Variants in SUGCT observed in about 807,000 individuals in gnomAD.
SUGCT encodes succinyl-CoA:glutarate-CoA transferase.
Under a neutral mutation model 55.0 loss-of-function variants are expected in SUGCT, and 41 were observed. The ratio of observed to expected loss-of-function variants is 0.74; its 90% confidence interval spans 0.58 to 0.97. SUGCT has a LOEUF of 0.97. Ranked by LOEUF, SUGCT falls within the 50% of genes least tolerant of loss-of-function variation. The pLI, the probability that SUGCT is intolerant of heterozygous loss-of-function variation, is 0.00. For synonymous variants in SUGCT, 187 were observed against 200.4 expected (o/e 0.93, Z 0.56); for missense variants, 568 against 547.8 (o/e 1.04, Z -0.37).
intron 5 of SUGCT, among the ~76,000 whole-genome samples, chr7:40,191,644 A>G (rs1018904829): frequency 6.6e-6 from 1 of 152,172 alleles, no homozygotes; most frequent in South Asian, 2.1e-4. Flanking sequence ...AGCAATCCGC[A>G]TGCCTCAGCC....
At chr7:40,471,171 A>T (rs1790384785) in intron 11 of SUGCT, among the ~76,000 whole-genome samples, 1 of 152,080 alleles carries the variant, frequency 6.6e-6, no homozygotes, top group South Asian at 2.1e-4. Flanking sequence ...AGAAATTTGG[A>T]ATTATGAGAA....
the SUGCT span, among the ~76,000 whole-genome samples, chr7:40,868,433 T>A: frequency 1.3e-5 from 2 of 152,212 alleles, no homozygotes; most frequent in South Asian, 4.1e-4. Context: ...TTTCTGTTCC[T>A]GTGTTTGTTG....
At chr7:41,019,526 A>G in the SUGCT span, among the ~76,000 whole-genome samples, 1 of 152,246 alleles carries the variant, frequency 6.6e-6, no homozygotes, top group Non-Finnish European at 1.5e-5. Context: ...AGCTGCCGTC[A>G]TGTTGTTTTT....
intron 8 of SUGCT, among the ~76,000 whole-genome samples, chr7:40,284,566 C>G (rs1314461240): frequency 1.3e-5 from 2 of 148,728 alleles, no homozygotes; most frequent in African/African-American, 5.0e-5. Flanking sequence ...TGAGATTGCA[C>G]CACTGCACTC....
intron 9 of SUGCT, among the ~76,000 whole-genome samples, chr7:40,436,459 G>A (rs1024060083): frequency 6.6e-6 from 1 of 152,002 alleles, no homozygotes; most frequent in African/African-American, 2.4e-5. Context: ...AACATTATTG[G>A]CAATACACTA....
rs562682830 is a variant in SUGCT, at chr7:40,364,435, T to G, written c.816+47580T>G. Among the ~76,000 whole-genome samples, 1,447 of 152,268 alleles carry G rather than the reference T, an allele frequency of 9.5e-3. 34 individuals are homozygous for G. Among genetic ancestry groups the G allele is most frequent in the African/African-American group, 0.033 (1,366 of 41,542 alleles). ...CAATGGTCTTTACATTTTGGCATGA[T>G]TTTGCAGTGGCTGGTACCGGTTGTT... On this transcript the variant is annotated intron_variant, in intron 9 of 13. Coordinates refer to ENST00000335693, the MANE Select transcript of SUGCT (RefSeq NM_001193313.2).
At chr7:40,712,831 T>C (rs1785798296) in intron 12 of SUGCT, among the ~76,000 whole-genome samples, 1 of 152,244 alleles carries the variant, frequency 6.6e-6, no homozygotes. Context: ...GCCATTATTT[T>C]ATTCTTTTGA....
At chr7:40,842,416 A>T (rs1793324109) in intron 13 of SUGCT, among the ~76,000 whole-genome samples, 1 of 152,166 alleles carries the variant, frequency 6.6e-6, no homozygotes. Context: ...TGGTTCATGG[A>T]GTCTTACCTA....
chr7:40,380,131 T>C (rs1196491760), intron 9 of SUGCT, among the ~76,000 whole-genome samples: 1 of 152,196 alleles, frequency 6.6e-6, no homozygotes, highest in African/African-American at 2.4e-5. Flanking sequence ...TCTGTGCTAA[T>C]GGGGATTCCA....
chr7:40,375,751 A>T (rs986575211), intron 9 of SUGCT, among the ~76,000 whole-genome samples: 3 of 152,222 alleles, frequency 2.0e-5, no homozygotes, highest in African/African-American at 7.2e-5. Context: ...ATATAAATAG[A>T]CATATAAATT....
At chr7:40,895,098 A>C in the SUGCT span, among the ~76,000 whole-genome samples, 1 of 152,222 alleles carries the variant, frequency 6.6e-6, no homozygotes, top group Non-Finnish European at 1.5e-5. Flanking sequence ...AAGAAAATGT[A>C]CATATTCATC....
intron 12 of SUGCT, among the ~76,000 whole-genome samples, chr7:40,536,575 G>C (rs1385756871): frequency 1.3e-5 from 2 of 152,222 alleles, no homozygotes; most frequent in African/African-American, 4.8e-5. Context: ...CAGGCAAGTA[G>C]TTAGCTGTGT....
At position 40,184,898 on chromosome 7, in the gene SUGCT, T is replaced by C. The variant is rs540925696; in HGVS notation, c.226+2870T>C. The stretch of plus-strand genomic sequence containing the variant: ...AAAAAATTTTAAATTTTATTTTGTC[T>C]TTACAGAAAGTAGAATGTTTGATCT... On this transcript the variant is annotated intron_variant, in intron 3 of 13. Transcript: ENST00000335693. Among the ~76,000 whole-genome samples, 343 of 152,352 alleles carry C rather than the reference T, an allele frequency of 2.3e-3. 1 individual carries two copies. Among genetic ancestry groups the C allele is most frequent in the Non-Finnish European group, 3.3e-3 (224 of 68,026 alleles).
At chr7:40,320,304 CCA>C (rs1795659479) in intron 9 of SUGCT, among the ~76,000 whole-genome samples, 2 of 152,000 alleles carry the variant, frequency 1.3e-5, no homozygotes, top group South Asian at 4.2e-4. Context: ...TGGGGTTTCT[CCA>C]TGTTGGCCAG....
At chr7:40,931,713 G>A in the SUGCT span, among the ~76,000 whole-genome samples, 2 of 152,146 alleles carry the variant, frequency 1.3e-5, no homozygotes, top group African/African-American at 4.8e-5. Flanking sequence ...TTTGCATAGA[G>A]GTCTTTATAG....
At chr7:40,721,734 C>T (rs1270902363) in intron 12 of SUGCT, among the ~76,000 whole-genome samples, 1 of 152,212 alleles carries the variant, frequency 6.6e-6, no homozygotes, top group East Asian at 1.9e-4. Context: ...GATGGACATT[C>T]TTTGCCTCTG....
At chr7:40,655,285 T>C (rs1800962868) in intron 12 of SUGCT, among the ~76,000 whole-genome samples, 1 of 147,672 alleles carries the variant, frequency 6.8e-6, no homozygotes, top group East Asian at 1.9e-4. Context: ...TAGAGGGAGA[T>C]CCTGTCTCAA....
At chr7:40,447,598 A>G (rs1040905671) in intron 9 of SUGCT, among the ~76,000 whole-genome samples, 3 of 152,192 alleles carry the variant, frequency 2.0e-5, no homozygotes, top group African/African-American at 7.2e-5. Context: ...AACATTCAAG[A>G]TACCTTGAAA....
chr7:40,976,162 C>T, the SUGCT span, among the ~76,000 whole-genome samples: 6 of 152,168 alleles, frequency 3.9e-5, no homozygotes, highest in Non-Finnish European at 7.4e-5. Context: ...ACAAGGGAGC[C>T]ATGAGGTGGG....
Sources: allele counts gnomAD v4.1 joint callset (sites outside exome capture counted in the v4.1 genomes callset), GRCh38; gene constraint gnomAD v4.1.1; transcripts MANE v1.5; gene names NCBI Gene and HGNC (gene_info 2026-07-23, HGNC 2026-07-21).